The following AGBL1 variants were observed in gnomAD, a reference collection of about 807,000 sequenced individuals.
The protein encoded by AGBL1 is cytosolic carboxypeptidase 4.
Under a neutral mutation model 118.9 loss-of-function variants are expected in AGBL1, and 130 were observed. The ratio of observed to expected loss-of-function variants is 1.09; its 90% confidence interval spans 0.95 to 1.26. The LOEUF (loss-of-function observed/expected upper bound fraction) is 1.26. AGBL1 is among the 50% of genes most tolerant of loss of function. AGBL1 has a pLI of 0.00. For synonymous variants in AGBL1, 555 were observed against 478.9 expected (o/e 1.16, Z -2.08); for missense variants, 1,584 against 1,298.1 (o/e 1.22, Z -3.38).
chr15:86,645,669 A>T (rs918469300), intron 21 of AGBL1, among the ~76,000 whole-genome samples: 1 of 152,204 alleles, frequency 6.6e-6, no homozygotes, highest in Admixed American at 6.5e-5. Flanking sequence ...TTTAGAGTAG[A>T]TAGAAACTAC....
In AGBL1 at chr15:86,279,721, CCA is replaced by C; in HGVS notation, c.2163_2164del (p.His721GlnfsTer2). 6.2e-7 allele frequency: 1 copy of C among 1,613,712 alleles called. No homozygotes were observed. Among genetic ancestry groups the C allele is most frequent in the South Asian group, 1.1e-5 (1 of 91,074 alleles). On this transcript the variant is annotated frameshift_variant, in exon 16 of 23. Coordinates refer to ENST00000614907, the MANE Select transcript of AGBL1 (RefSeq NM_001386094.1). LOFTEE classifies it high-confidence loss of function. ...TACCCTCACCTTTGCTGTCACCTTC[CCA>C]CACAGTGAGGATGTCTGCTACCTGG... ...YYTLTFAVTF[P>X]HSEDVCYLAY...
At chr15:86,406,418 A>G (rs986044360) in intron 18 of AGBL1, among the ~76,000 whole-genome samples, 1 of 152,222 alleles carries the variant, frequency 6.6e-6, no homozygotes, top group Non-Finnish European at 1.5e-5. Context: ...AAACAAAATG[A>G]TTTTATTGTT....
At chr15:86,452,138 C>G (rs914747428) in intron 18 of AGBL1, among the ~76,000 whole-genome samples, 17 of 152,164 alleles carry the variant, frequency 1.1e-4, no homozygotes, top group Non-Finnish European at 5.9e-5. Context: ...AGCATAATCT[C>G]TAGACTCATC....
chr15:86,383,059 A>G (rs1316334066), intron 17 of AGBL1, among the ~76,000 whole-genome samples: 1 of 151,746 alleles, frequency 6.6e-6, no homozygotes, highest in Non-Finnish European at 1.5e-5. Context: ...AGACTCTTAC[A>G]TTTTCACCTT....
intron 22 of AGBL1, among the ~76,000 whole-genome samples, chr15:86,800,175 A>T (rs959122848): frequency 6.6e-5 from 10 of 151,716 alleles, no homozygotes; most frequent in African/African-American, 2.4e-4. Context: ...ATAGGATATT[A>T]TTTTTTTTGT....
chr15:86,482,562 A>T (rs1028139590), intron 18 of AGBL1, among the ~76,000 whole-genome samples: 1 of 152,094 alleles, frequency 6.6e-6, no homozygotes, highest in Non-Finnish European at 1.5e-5. Flanking sequence ...AACAAACTGC[A>T]CTGAAACCCT....
chr15:86,828,419 A>T (rs2079061578), intron 22 of AGBL1, among the ~76,000 whole-genome samples: 1 of 152,106 alleles, frequency 6.6e-6, no homozygotes. Flanking sequence ...GATTATCCTG[A>T]ATTATCCCAG....
chr15:86,529,499 G>A (rs2054682855), intron 19 of AGBL1, among the ~76,000 whole-genome samples: 1 of 135,020 alleles, frequency 7.4e-6, no homozygotes, highest in Non-Finnish European at 1.5e-5. Context: ...ACCTGAAAGT[G>A]ATGCGGAGAA....
intron 22 of AGBL1, among the ~76,000 whole-genome samples, chr15:86,755,160 A>G (rs1359021277): frequency 6.6e-6 from 1 of 152,090 alleles, no homozygotes; most frequent in Non-Finnish European, 1.5e-5. Context: ...GGAAAAGACC[A>G]AAAGGAAAAA....
chr15:86,319,045 G>A (rs2080064159), intron 17 of AGBL1, among the ~76,000 whole-genome samples: 1 of 152,086 alleles, frequency 6.6e-6, no homozygotes, highest in Non-Finnish European at 1.5e-5. Flanking sequence ...TTTCTTCATT[G>A]CTATATAATA....
At chr15:86,671,037 C>T (rs2085737971) in intron 21 of AGBL1, among the ~76,000 whole-genome samples, 2 of 152,130 alleles carry the variant, frequency 1.3e-5, no homozygotes, top group Non-Finnish European at 2.9e-5. Flanking sequence ...GCTTGCCTGA[C>T]ACTCATTTCT....
chr15:86,367,583 ATT>A (rs2080908687), intron 17 of AGBL1, among the ~76,000 whole-genome samples: 1 of 151,864 alleles, frequency 6.6e-6, no homozygotes, highest in Admixed American at 6.6e-5. Flanking sequence ...TAGGGAAGCA[ATT>A]GTTAACTGAA....
Position 86,342,707 on chromosome 15 carries a change from G to A in AGBL1, c.2374+47299G>A, listed in dbSNP as rs534271308. On this transcript the variant is annotated intron_variant, in intron 17 of 22. Transcript: ENST00000614907. ...GTGTCGCTGTGAAATGAAGCTTCTC[G>A]GAGCTTTGATTTCCTCCTCTGTATG... Among the ~76,000 whole-genome samples the A allele has an allele frequency of 6.8e-4, 104 of 152,106 alleles. 2 individuals are homozygous for A. In the South Asian group the frequency reaches 0.02, roughly 29 times the overall value.
At chr15:86,446,165 C>G (rs1308124939) in intron 18 of AGBL1, among the ~76,000 whole-genome samples, 1 of 152,202 alleles carries the variant, frequency 6.6e-6, no homozygotes, top group Non-Finnish European at 1.5e-5. Context: ...AAGTGAGTCC[C>G]TCCAGCAACC....
chr15:86,607,162 C>G (rs2084589330), intron 21 of AGBL1, among the ~76,000 whole-genome samples: 1 of 152,180 alleles, frequency 6.6e-6, no homozygotes, highest in Non-Finnish European at 1.5e-5. Context: ...GTTTTTCACA[C>G]TACACATTCC....
chr15:86,280,958 G>A (rs1204656736), intron 16 of AGBL1, among the ~76,000 whole-genome samples: 1 of 152,168 alleles, frequency 6.6e-6, no homozygotes, highest in Non-Finnish European at 1.5e-5. Flanking sequence ...AATGTGCGTT[G>A]CAAGCTAGGC....
rs147270354 is a variant in AGBL1 at position 86,889,895 on chromosome 15, C to T, written c.3159-17192C>T. On this transcript the variant is annotated intron_variant, in intron 22 of 22. Transcript: ENST00000614907. ...CTTTGTAATAGAATGATTTATATTCCTTTGGGTATATACCCTGTAATGGGA... is the reference window on the plus strand; with the variant it reads ...CTTTGTAATAGAATGATTTATATTCTTTTGGGTATATACCCTGTAATGGGA... Among the ~76,000 whole-genome samples the T allele has an allele frequency of 6.6e-3, 998 of 152,228 alleles. 26 individuals are homozygous for T. Among genetic ancestry groups the T allele is most frequent in the Middle Eastern group, 0.01 (3 of 294 alleles).
intron 21 of AGBL1, among the ~76,000 whole-genome samples, chr15:86,585,566 A>C (rs1036020002): frequency 6.6e-6 from 1 of 151,940 alleles, no homozygotes; most frequent in African/African-American, 2.4e-5. Context: ...ATGTTTCACT[A>C]TGTTTCCCAG....
chr15:86,800,639 A>T (rs1567179967), intron 22 of AGBL1, among the ~76,000 whole-genome samples: 1 of 152,188 alleles, frequency 6.6e-6, no homozygotes, highest in Non-Finnish European at 1.5e-5. Context: ...ACATAATTTA[A>T]AAATTAAATA....
Sources: gnomAD v4.1 joint callset for allele counts (sites outside exome capture counted in the v4.1 genomes callset) on GRCh38, gnomAD v4.1.1 for gene constraint, MANE v1.5 for transcripts, NCBI Gene and HGNC (gene_info 2026-07-23, HGNC 2026-07-21) for gene names.